CNTNAP4: variants seen among roughly 807,000 people sequenced by gnomAD.
The protein encoded by CNTNAP4 is contactin-associated protein-like 4.
In CNTNAP4, 98 loss-of-function variants were observed where a neutral mutation model predicts 148.4. The observed-to-expected ratio is 0.66, with a 90% CI of 0.56 to 0.78. The LOEUF (loss-of-function observed/expected upper bound fraction) is 0.78. Among genes scored for constraint, CNTNAP4 ranks in the 30% least tolerant of loss-of-function variants. CNTNAP4 has a pLI of 0.00. For synonymous variants in CNTNAP4, 730 were observed against 565.1 expected (o/e 1.29, Z -4.14); for missense variants, 1,935 against 1,565.6 (o/e 1.24, Z -3.98).
rs116648367 is a variant in CNTNAP4 at position 76,543,607 on chromosome 16, G to A, written c.3442+2817G>A. 4.7e-3 allele frequency among the ~76,000 whole-genome samples: 722 copies of A among 152,338 alleles called. 6 individuals are homozygous for A. The highest frequency in any genetic ancestry group is 0.017 in the African/African-American group (701 of 41,570). On this transcript the variant is annotated intron_variant, in intron 21 of 23. Transcript: ENST00000611870. ...AGAGGGAAAATTAGACAGAAGCACAGAAGTGTCTCAGACCAATGTGCAGTC... is the reference window on the plus strand; with the variant it reads ...AGAGGGAAAATTAGACAGAAGCACAAAAGTGTCTCAGACCAATGTGCAGTC...
chr16:76,319,874 G>A (rs188186916), intron 2 of CNTNAP4, among the ~76,000 whole-genome samples: 1 of 152,342 alleles, frequency 6.6e-6, no homozygotes, highest in Admixed American at 6.5e-5. Flanking sequence ...CCAGAACTGT[G>A]AGAGAATAAA....
At chr16:76,502,307 C>G (rs1400183709) in intron 15 of CNTNAP4, among the ~76,000 whole-genome samples, 1 of 151,498 alleles carries the variant, frequency 6.6e-6, no homozygotes, top group Non-Finnish European at 1.5e-5. Context: ...GGCTTCAGAA[C>G]AGCGAATACT....
intron 3 of CNTNAP4, among the ~76,000 whole-genome samples, chr16:76,398,814 A>G (rs573121154): frequency 1.2e-4 from 18 of 152,266 alleles, no homozygotes; most frequent in African/African-American, 4.3e-4. Flanking sequence ...ATATTTGTAT[A>G]TATACATAGA....
chr16:76,462,346 C>T (rs1290979221), intron 9 of CNTNAP4, among the ~76,000 whole-genome samples: 1 of 152,084 alleles, frequency 6.6e-6, no homozygotes, highest in Non-Finnish European at 1.5e-5. Flanking sequence ...GTAGGCTGTC[C>T]TCTTCAGTTC....
chr16:76,502,731 G>C (rs547571459), intron 15 of CNTNAP4, among the ~76,000 whole-genome samples: 1 of 152,162 alleles, frequency 6.6e-6, no homozygotes, highest in South Asian at 2.1e-4. Flanking sequence ...AAAGCCTTGG[G>C]GATGATCTCC....
At chr16:76,315,652 T>A (rs1397823900) in intron 1 of CNTNAP4, among the ~76,000 whole-genome samples, 1 of 152,080 alleles carries the variant, frequency 6.6e-6, no homozygotes, top group African/African-American at 2.4e-5. Context: ...TGGAGTGCAG[T>A]GGTGTGATCT....
At chr16:76,328,056 A>G (rs62049725) in intron 2 of CNTNAP4, among the ~76,000 whole-genome samples, 1,710 of 152,298 alleles carry the variant, frequency 0.011, 11 homozygotes, top group Non-Finnish European at 0.018. Flanking sequence ...CCTGCTCAGA[A>G]GAATTCCAAA....
At chr16:76,361,178 A>G (rs2013395301) in intron 3 of CNTNAP4, among the ~76,000 whole-genome samples, 1 of 152,136 alleles carries the variant, frequency 6.6e-6, no homozygotes. Flanking sequence ...CGTCTTGACA[A>G]ATTTTTAAGT....
intron 21 of CNTNAP4, among the ~76,000 whole-genome samples, chr16:76,550,036 G>A (rs2084898142): frequency 1.3e-5 from 2 of 152,078 alleles, no homozygotes; most frequent in African/African-American, 4.8e-5. Flanking sequence ...AAATCACAGG[G>A]TATCTTACAA....
intron 3 of CNTNAP4, among the ~76,000 whole-genome samples, chr16:76,422,797 G>T (rs903853223): frequency 6.6e-6 from 1 of 152,116 alleles, no homozygotes; most frequent in African/African-American, 2.4e-5. Flanking sequence ...ATACATTTCT[G>T]CTATGTCTGA....
intron 12 of CNTNAP4, among the ~76,000 whole-genome samples, chr16:76,487,227 G>A (rs534445678): frequency 7.9e-5 from 12 of 152,308 alleles, no homozygotes; most frequent in African/African-American, 2.6e-4. Flanking sequence ...AGGAGGTTGT[G>A]CTCTAATCTA....
intron 15 of CNTNAP4, among the ~76,000 whole-genome samples, chr16:76,512,543 G>T (rs2083069164): frequency 6.6e-6 from 1 of 152,166 alleles, no homozygotes; most frequent in Non-Finnish European, 1.5e-5. Flanking sequence ...TGAAATGGGG[G>T]AGATTGCTGC....
At chr16:76,494,874 A>G in intron 13 of CNTNAP4, 36 bp from the exon 14 acceptor site, 1 of 1,603,196 alleles carries the variant, frequency 6.2e-7, no homozygotes, top group South Asian at 1.1e-5. Flanking sequence ...GGTGGAACAT[A>G]AAACAGATGT....
intron 3 of CNTNAP4, among the ~76,000 whole-genome samples, chr16:76,401,824 G>GT (rs2078428188): frequency 6.6e-6 from 1 of 152,090 alleles, no homozygotes. Context: ...CTTTAGTTCT[G>GT]TTTATGCGAT....
chr16:76,355,605 A>G, intron 3 of CNTNAP4, 94 bp downstream of exon 3: 1 of 837,094 alleles, frequency 1.2e-6, no homozygotes, highest in Non-Finnish European at 1.7e-6. Context: ...GTAGACATAC[A>G]GAATCTGCAG....
At chr16:76,515,654 A>G (rs2083217301) in intron 15 of CNTNAP4, among the ~76,000 whole-genome samples, 1 of 152,194 alleles carries the variant, frequency 6.6e-6, no homozygotes, top group African/African-American at 2.4e-5. Context: ...ACAATGGGCA[A>G]AAGACGTGGA....
chr16:76,402,151 G>C (rs2078441698), intron 3 of CNTNAP4, among the ~76,000 whole-genome samples: 1 of 152,120 alleles, frequency 6.6e-6, no homozygotes, highest in Non-Finnish European at 1.5e-5. Flanking sequence ...TGGTAGAATT[G>C]AGCTGTGAAT....
chr16:76,280,398 A>G (rs945608780), intron 1 of CNTNAP4, among the ~76,000 whole-genome samples: 1 of 152,180 alleles, frequency 6.6e-6, no homozygotes, highest in Non-Finnish European at 1.5e-5. Flanking sequence ...GCTCATTTGT[A>G]TATAGGTATA....
chr16:76,410,040 C>G (rs1302119489), intron 3 of CNTNAP4, among the ~76,000 whole-genome samples: 1 of 151,800 alleles, frequency 6.6e-6, no homozygotes, highest in African/African-American at 2.4e-5. Flanking sequence ...GTTTAGGAAT[C>G]TGATTCAAGA....
Sources: allele counts gnomAD v4.1 joint callset (sites outside exome capture counted in the v4.1 genomes callset), GRCh38; gene constraint gnomAD v4.1.1; transcripts MANE v1.5; gene names NCBI Gene and HGNC (gene_info 2026-07-23, HGNC 2026-07-21).